Variants in GABBR2 observed in about 807,000 individuals in gnomAD.
The protein encoded by GABBR2 is G-protein coupled receptor 51.
In GABBR2, 23 loss-of-function variants were observed where a neutral mutation model predicts 105.6. The observed-to-expected ratio is 0.22, with a 90% CI of 0.16 to 0.31. The LOEUF is 0.31. GABBR2 is among the 10% of genes least tolerant of loss of function. The probability of loss-of-function intolerance (pLI) is 1.00; values close to 1 mark genes in which losing one functional copy is unlikely to be tolerated. For missense variants in GABBR2, 734 were observed against 1,245.5 expected (o/e 0.59, Z 6.18); for synonymous variants, 478 against 499.7 (o/e 0.96, Z 0.58).
At chr9:98,488,633 C>CTT (rs11374476) in intron 4 of GABBR2, among the ~76,000 whole-genome samples, 11 of 150,020 alleles carry the variant, frequency 7.3e-5, no homozygotes, top group East Asian at 2.0e-4. Context: ...TTCCCTAGCA[C>CTT]TTTTTTTTTT....
chr9:98,481,052 G>A (rs1240526343), intron 4 of GABBR2, 55 bp from the exon 5 acceptor site: 2 of 1,075,120 alleles, frequency 1.9e-6, no homozygotes, highest in Middle Eastern at 2.0e-4. Flanking sequence ...ACCCCATAAA[G>A]GGTTCAAGGC....
chr9:98,453,032 T>G (rs1826259259), intron 7 of GABBR2, among the ~76,000 whole-genome samples: 1 of 152,218 alleles, frequency 6.6e-6, no homozygotes, highest in African/African-American at 2.4e-5. Context: ...CTATGCCCTT[T>G]TTTTTTCTTT....
At chr9:98,396,519 C>T (rs914702613) in intron 8 of GABBR2, among the ~76,000 whole-genome samples, 5 of 152,178 alleles carry the variant, frequency 3.3e-5, no homozygotes, top group South Asian at 2.1e-4. Context: ...CAAGGGTCCT[C>T]GCCATTTAGG....
chr9:98,517,722 T>C (rs1287343777), intron 3 of GABBR2, among the ~76,000 whole-genome samples: 3 of 152,196 alleles, frequency 2.0e-5, no homozygotes, highest in Non-Finnish European at 4.4e-5. Flanking sequence ...GCTTTTTTCA[T>C]GGAATTAGAA....
At chr9:98,386,228 T>C (rs964298621) in intron 10 of GABBR2, among the ~76,000 whole-genome samples, 6 of 150,124 alleles carry the variant, frequency 4.0e-5, no homozygotes, top group African/African-American at 1.5e-4. Flanking sequence ...TTTTTTTTTT[T>C]TGGCTGGAAC....
chr9:98,633,950 A>C (rs1304408172), intron 1 of GABBR2, among the ~76,000 whole-genome samples: 1 of 152,200 alleles, frequency 6.6e-6, no homozygotes, highest in East Asian at 1.9e-4. Context: ...AACCGGCTTC[A>C]GTGCACAGCC....
chr9:98,628,310 C>T (rs1829772945), intron 1 of GABBR2, among the ~76,000 whole-genome samples: 1 of 152,150 alleles, frequency 6.6e-6, no homozygotes, highest in African/African-American at 2.4e-5. Flanking sequence ...GCAATGACCC[C>T]AGGTATCCTA....
chr9:98,436,049 G>A (rs974535519), intron 7 of GABBR2, among the ~76,000 whole-genome samples: 9 of 151,242 alleles, frequency 6.0e-5, no homozygotes, highest in Admixed American at 5.3e-4. Flanking sequence ...CCCAGCAGCC[G>A]CCACCCCTAT....
At position 98,328,940 on chromosome 9, in the gene GABBR2, A is replaced by C. The variant is rs571631134; in HGVS notation, c.1894-17735T>G. 7.9e-5 allele frequency among the ~76,000 whole-genome samples: 12 copies of C among 152,316 alleles called. No homozygotes were observed. The East Asian group carries it at 2.3e-3, about 29-fold the overall frequency. On this transcript the variant is annotated intron_variant, in intron 13 of 18. Coordinates refer to ENST00000259455, the MANE Select transcript of GABBR2 (RefSeq NM_005458.8). ...CTAATCTCAATTCTGCCACTTACAA[A>C]TGAGGTGACCTTGTGGCCACCATGT...
At chr9:98,671,069 C>G (rs1324715830) in intron 1 of GABBR2, among the ~76,000 whole-genome samples, 2 of 151,972 alleles carry the variant, frequency 1.3e-5, no homozygotes, top group African/African-American at 2.4e-5. Context: ...TAAAAGACAC[C>G]AATAAACAGA....
In GABBR2 at chr9:98,306,070, C is replaced by T; in HGVS notation, c.2229+51G>A. On this transcript the variant is annotated intron_variant, in intron 15 of 18. Transcript: ENST00000259455. The surrounding 1 kb of genome is among the most constrained non-coding windows in gnomAD (Gnocchi z 5.4). ...GAATGGAGAAAAGCCAGCAATGCCCCTGTGCTGGAGTCAGAGGGCAGAGGC... is the reference window on the plus strand; with the variant it reads ...GAATGGAGAAAAGCCAGCAATGCCCTTGTGCTGGAGTCAGAGGGCAGAGGC... The T allele has an allele frequency of 8.1e-7, 1 of 1,230,286 alleles. No individual in the cohort carries two copies. The highest frequency in any genetic ancestry group is 1.2e-6 in the Non-Finnish European group (1 of 838,552). The allele number at this position is 1,230,286 out of a possible 1,614,324, so 76.2% of individuals were successfully genotyped here.
intron 3 of GABBR2, among the ~76,000 whole-genome samples, chr9:98,508,885 C>T (rs1827574645): frequency 6.6e-6 from 1 of 152,182 alleles, no homozygotes; most frequent in African/African-American, 2.4e-5. Flanking sequence ...CCTCTGCAGA[C>T]TTAAATGTCC....
chr9:98,426,926 C>A (rs779893851), intron 7 of GABBR2, among the ~76,000 whole-genome samples: 1 of 152,064 alleles, frequency 6.6e-6, no homozygotes, highest in South Asian at 2.1e-4. Context: ...TTGCTTGAGC[C>A]GGGGAGGTGG....
intron 2 of GABBR2, among the ~76,000 whole-genome samples, chr9:98,561,802 T>C (rs995065408): frequency 3.3e-5 from 5 of 152,316 alleles, no homozygotes; most frequent in Admixed American, 3.3e-4. Context: ...GAGGATCCCT[T>C]GAGCGCAGGA....
intron 13 of GABBR2, among the ~76,000 whole-genome samples, chr9:98,322,715 A>T (rs1429313298): frequency 6.6e-6 from 1 of 150,852 alleles, no homozygotes; most frequent in Non-Finnish European, 1.5e-5. Context: ...TGGTGCCCTT[A>T]TTGTGGGGTT....
At chr9:98,589,926 A>T (rs1398089354) in intron 1 of GABBR2, among the ~76,000 whole-genome samples, 1 of 151,892 alleles carries the variant, frequency 6.6e-6, no homozygotes, top group East Asian at 1.9e-4. Context: ...TGTTGCCTAA[A>T]CTGGTCTTGA....
At chr9:98,499,190 G>T (rs1397581696) in intron 3 of GABBR2, among the ~76,000 whole-genome samples, 3 of 152,254 alleles carry the variant, frequency 2.0e-5, no homozygotes, top group African/African-American at 7.2e-5. Context: ...AGGCATCAAG[G>T]CTGCAGTAGC....
At chr9:98,347,715 T>G (rs1588114613) in intron 13 of GABBR2, among the ~76,000 whole-genome samples, 2 of 152,192 alleles carry the variant, frequency 1.3e-5, no homozygotes, top group African/African-American at 4.8e-5. Flanking sequence ...GGGCTTACAT[T>G]TAAGTCTTTA....
chr9:98,453,322 G>A (rs547928141), intron 7 of GABBR2, among the ~76,000 whole-genome samples: 23 of 152,276 alleles, frequency 1.5e-4, no homozygotes, highest in African/African-American at 4.6e-4. Context: ...CACCATGCCC[G>A]GCCTCTATGC....
Sources: allele counts gnomAD v4.1 joint callset (sites outside exome capture counted in the v4.1 genomes callset), GRCh38; gene constraint gnomAD v4.1.1; non-coding constraint Gnocchi (gnomAD v3.1); transcripts MANE v1.5; gene names NCBI Gene and HGNC (gene_info 2026-07-23, HGNC 2026-07-21).